Variants in MGRN1 observed in about 807,000 individuals in gnomAD.
MGRN1 encodes E3 ubiquitin-protein ligase MGRN1.
MGRN1 carries 29 observed loss-of-function variants against 69.2 expected under a neutral mutation model. That is an observed-to-expected ratio of 0.42 (90% CI 0.31 to 0.57). The LOEUF (loss-of-function observed/expected upper bound fraction) is 0.57. Among genes scored for constraint, MGRN1 ranks in the 20% least tolerant of loss-of-function variants. The probability of loss-of-function intolerance (pLI) is 0.15; values close to 1 mark genes in which losing one functional copy is unlikely to be tolerated. For synonymous variants in MGRN1, 470 were observed against 344.2 expected, an observed-to-expected ratio of 1.37 and a Z score of -4.04; for missense variants, 998 against 796.2, an observed-to-expected ratio of 1.25 and a Z score of -3.05.
chr16:4,685,987 G>A (rs999092965), intron 16 of MGRN1, among the ~76,000 whole-genome samples: 7 of 152,194 alleles, frequency 4.6e-5, no homozygotes, highest in Admixed American at 3.9e-4. Context: ...GGTGGACTGC[G>A]CCCGTTAGGT....
At chr16:4,650,522 T>TCA (rs781498967) in intron 2 of MGRN1, 39 bp downstream of exon 2, 1 of 1,498,444 alleles carries the variant, frequency 6.7e-7, no homozygotes, top group African/African-American at 1.4e-5. Flanking sequence ...GCTGTGGGGG[T>TCA]GGGAGGCCCC....
intron 14 of MGRN1, 78 bp from the exon 15 acceptor site, chr16:4,683,146 C>A: frequency 1.3e-6 from 2 of 1,579,106 alleles, no homozygotes; most frequent in South Asian, 2.2e-5. Flanking sequence ...CCGGGAGGGC[C>A]GTGCCTGATG....
In MGRN1 at chr16:4,681,728, T is replaced by C; in HGVS notation, c.1310T>C (p.Leu437Pro). Residue 437 changes from leucine to proline, a missense_variant, in exon 13 of 17, where the codon CTG becomes CCG. Physicochemically the swap from Leu to Pro is moderately conservative, Grantham distance 98. Transcript: ENST00000262370. ...CCCCTCGCGGCTATCGACCACATCC[T>C]GGACAGCAGCCGCCAGAAGGGCAGG... ...SCPLAAIDHI[L>P]DSSRQKGRPQ... 6.2e-7 allele frequency: 1 copy of C among 1,612,906 alleles called. No individual in the cohort carries two copies. The highest frequency in any genetic ancestry group is 8.5e-7 in the Non-Finnish European group (1 of 1,179,824).
chr16:4,668,891 C>T (rs1387312501), intron 8 of MGRN1, among the ~76,000 whole-genome samples: 2 of 152,108 alleles, frequency 1.3e-5, no homozygotes, highest in African/African-American at 2.4e-5. Flanking sequence ...TATACATAGA[C>T]ACACATTCAC....
At chr16:4,681,424 C>T (rs2079179836) in intron 12 of MGRN1, 126 bp from the exon 13 acceptor site, 4 of 899,240 alleles carry the variant, frequency 4.4e-6, no homozygotes, top group Middle Eastern at 2.3e-4. Context: ...AGCTCTTGGC[C>T]ACCCTCTGAG....
intron 12 of MGRN1, chr16:4,680,457 C>T (rs1046464806): frequency 2.3e-5 from 6 of 257,410 alleles, no homozygotes; most frequent in Non-Finnish European, 2.3e-5. Context: ...TTCTTGGCCC[C>T]GTGTCCCGCT....
chr16:4,664,372 G>A, intron 5 of MGRN1: 1 of 358,342 alleles, frequency 2.8e-6, no homozygotes, highest in Non-Finnish European at 5.2e-6. Flanking sequence ...GATGGGGAGT[G>A]TGTGGGTGCT....
intron 9 of MGRN1, among the ~76,000 whole-genome samples, chr16:4,672,127 ATC>A (rs2078951378): frequency 1.3e-5 from 2 of 152,042 alleles, no homozygotes; most frequent in African/African-American, 4.8e-5. Flanking sequence ...GATGGTCTTG[ATC>A]TCCTGACCTT....
rs192692143 is a variant in MGRN1, at chr16:4,672,199, C to T, written c.795+740C>T. Among the ~76,000 whole-genome samples, 64 of 152,168 alleles carry T rather than the reference C, an allele frequency of 4.2e-4. No individual in the cohort carries two copies. In the East Asian group the frequency reaches 7.4e-3, roughly 17 times the overall value. ...GATTACAGGCGTGAACCACCGCGCC[C>T]AGCCTAATTTTTAATTTTTGTATTT... On this transcript the variant is annotated intron_variant, in intron 9 of 16. Coordinates refer to ENST00000262370, the MANE Select transcript of MGRN1 (RefSeq NM_015246.4).
intron 1 of MGRN1, among the ~76,000 whole-genome samples, chr16:4,637,777 G>A (rs1025305957): frequency 1.3e-5 from 2 of 152,214 alleles, no homozygotes; most frequent in African/African-American, 4.8e-5. Context: ...CGTCGTCCCT[G>A]GTCCCATTCC....
intron 1 of MGRN1, among the ~76,000 whole-genome samples, chr16:4,630,808 CTTT>C (rs58149708): frequency 6.4e-5 from 7 of 109,222 alleles, no homozygotes; most frequent in Admixed American, 9.5e-5. Context: ...AGAGTTAATT[CTTT>C]TTTTTTTTTT....
intron 10 of MGRN1, chr16:4,677,217 TG>T (rs2079071578): frequency 1.0e-5 from 4 of 392,300 alleles, no homozygotes; most frequent in Non-Finnish European, 1.4e-5. Flanking sequence ...CTCTCGTCTT[TG>T]GAGCGCCCCC....
intron 12 of MGRN1, chr16:4,680,301 C>T (rs1474592333): frequency 1.8e-6 from 1 of 556,192 alleles, no homozygotes; most frequent in Non-Finnish European, 3.2e-6. Context: ...GCCAGGTGCG[C>T]TGGCCCCGCC....
At chr16:4,652,088 G>A (rs375634224) in intron 3 of MGRN1, 37 bp downstream of exon 3, 280 of 1,593,834 alleles carry the variant, frequency 1.8e-4, no homozygotes, top group Middle Eastern at 7.3e-4. Flanking sequence ...CTGTGGCTCT[G>A]TGGGGCGCAG....
At chr16:4,649,193 C>T (rs1317509943) in intron 1 of MGRN1, 2 of 152,384 alleles carry the variant, frequency 1.3e-5, no homozygotes. Context: ...TAGCCCAGAT[C>T]CACAGAGACT....
intron 1 of MGRN1, among the ~76,000 whole-genome samples, chr16:4,636,267 C>A (rs552755057): frequency 1.3e-5 from 2 of 151,992 alleles, no homozygotes; most frequent in Admixed American, 6.6e-5. Context: ...GAACCACCCC[C>A]CTGACTTCCT....
At chr16:4,629,395 C>T (rs560009856) in intron 1 of MGRN1, among the ~76,000 whole-genome samples, 2 of 152,018 alleles carry the variant, frequency 1.3e-5, no homozygotes, top group South Asian at 2.1e-4. Context: ...TGAATTTTGA[C>T]GAAGTCTCAT....
chr16:4,654,684 T>C (rs559583510), intron 4 of MGRN1, among the ~76,000 whole-genome samples: 2 of 152,192 alleles, frequency 1.3e-5, no homozygotes, highest in Admixed American at 6.5e-5. Context: ...GAAGTTCGGG[T>C]GGGTGGTGTG....
At position 4,646,997 on chromosome 16, in the gene MGRN1, A is replaced by C. The variant is rs116276633; in HGVS notation, c.89-3368A>C. Among the ~76,000 whole-genome samples, 44 of 152,220 alleles carry C rather than the reference A, an allele frequency of 2.9e-4. 1 individual carries two copies. Among genetic ancestry groups the C allele is most frequent in the African/African-American group, 1.0e-3 (43 of 41,548 alleles). On this transcript the variant is annotated intron_variant, in intron 1 of 16. Transcript: ENST00000262370. Reference sequence around the variant, plus strand: ...CCGGCCTTCTGGACCCCACCTCAGTACGTCAGCGCTGGGGAGAGCCTGGAA... The same window carrying C: ...CCGGCCTTCTGGACCCCACCTCAGTCCGTCAGCGCTGGGGAGAGCCTGGAA...
Sources: allele counts gnomAD v4.1 joint callset (sites outside exome capture counted in the v4.1 genomes callset), GRCh38; gene constraint gnomAD v4.1.1; transcripts MANE v1.5; gene names NCBI Gene and HGNC (gene_info 2026-07-23, HGNC 2026-07-21).